ZNF184: variants seen among roughly 807,000 people sequenced by gnomAD.
ZNF184 encodes zinc finger protein 184, also known as zinc finger protein 184 (Kruppel-like).
In ZNF184, 16 loss-of-function variants were observed where a neutral mutation model predicts 54.4. The observed-to-expected ratio is 0.29, with a 90% CI of 0.20 to 0.45. The LOEUF (loss-of-function observed/expected upper bound fraction) is 0.45. Ranked by LOEUF, ZNF184 falls within the 20% of genes least tolerant of loss-of-function variation. The pLI is 1.00. For missense variants in ZNF184, 681 were observed against 888.2 expected (o/e 0.77, Z 2.97); for synonymous variants, 254 against 295.3 (o/e 0.86, Z 1.43).
chr6:27,435,908 C>A, the ZNF184 span, among the ~76,000 whole-genome samples: 4 of 151,942 alleles, frequency 2.6e-5, no homozygotes, highest in East Asian at 7.7e-4. Context: ...TCAGGACCTG[C>A]AAGAGATAAA....
At chr6:27,463,062 A>G (rs1427879664) in intron 3 of ZNF184, among the ~76,000 whole-genome samples, 1 of 68,890 alleles carries the variant, frequency 1.5e-5, no homozygotes. Context: ...GACATTTAAA[A>G]AAAAAAAAAA....
intron 3 of ZNF184, among the ~76,000 whole-genome samples, chr6:27,457,678 GTCA>G (rs1187118645): frequency 1.3e-5 from 2 of 152,016 alleles, no homozygotes; most frequent in East Asian, 1.9e-4. Flanking sequence ...GTCCTTCATC[GTCA>G]TCATTACCAT....
chr6:27,451,419 T>C lies in ZNF184; in HGVS notation c.2140A>G (p.Ile714Val). ...CCTGAATGAATTCTCTGGTGCTGAA[T>C]GAGATATGTGCTCTGGCTAAAAGTC... ...RKTFSQSTYL[I>V]QHQRIHSGEK... Residue 714 changes from isoleucine (I) to valine (V), a missense_variant, in exon 6 of 6, where the codon ATT becomes GTT. By Grantham distance (29) the Ile-to-Val change is conservative (BLOSUM62 3). Transcript: ENST00000683788. The C allele has an allele frequency of 6.2e-7, 1 of 1,610,970 alleles. No individual in the cohort carries two copies. The highest frequency in any genetic ancestry group is 8.5e-7 in the Non-Finnish European group (1 of 1,177,120).
chr6:27,436,075 A>G, the ZNF184 span, among the ~76,000 whole-genome samples: 1 of 152,162 alleles, frequency 6.6e-6, no homozygotes, highest in Non-Finnish European at 1.5e-5. Context: ...GTCTTTCACC[A>G]TTGAGTATGA....
chr6:27,445,296 C>T, the ZNF184 span, among the ~76,000 whole-genome samples: 4 of 152,096 alleles, frequency 2.6e-5, no homozygotes, highest in Admixed American at 6.5e-5. Context: ...CAGCTATTTG[C>T]AATAACATGA....
the ZNF184 span, chr6:27,404,339 A>G: frequency 1.1e-4 from 17 of 152,248 alleles, no homozygotes; most frequent in African/African-American, 3.9e-4. Flanking sequence ...TGTCTTTGAT[A>G]TAAAAAAAAT....
intron 2 of ZNF184, among the ~76,000 whole-genome samples, chr6:27,469,381 G>A (rs1763217485): frequency 6.6e-6 from 1 of 152,204 alleles, no homozygotes; most frequent in Non-Finnish European, 1.5e-5. Flanking sequence ...AGTGGCTCAT[G>A]CCTGTAATCC....
Position 27,459,871 on chromosome 6 carries a change from G to A in ZNF184, c.76-2462C>T, listed in dbSNP as rs534012481. On this transcript the variant is annotated intron_variant, in intron 3 of 5. Coordinates refer to ENST00000683788, the MANE Select transcript of ZNF184 (RefSeq NM_001318891.2). ...TCTATACGTACTCATTAGAAAATAT[G>A]TACACAAGAGGACAGGCATGGTGGC... 1.8e-4 allele frequency among the ~76,000 whole-genome samples: 28 copies of A among 152,286 alleles called. 1 individual carries two copies. In the South Asian group the frequency reaches 3.5e-3, roughly 19 times the overall value.
chr6:27,445,086 A>G, the ZNF184 span, among the ~76,000 whole-genome samples: 2 of 152,206 alleles, frequency 1.3e-5, no homozygotes, highest in African/African-American at 4.8e-5. Flanking sequence ...CTGTGACAAA[A>G]TAATTTTACT....
chr6:27,421,877 A>G, the ZNF184 span, among the ~76,000 whole-genome samples: 1 of 152,034 alleles, frequency 6.6e-6, no homozygotes, highest in Non-Finnish European at 1.5e-5. Flanking sequence ...TGAGACCAGC[A>G]TGGGCAACAC....
chr6:27,407,759 A>G, the ZNF184 span: 9 of 772,690 alleles, frequency 1.2e-5, no homozygotes, highest in Admixed American at 1.2e-4. Context: ...CGGAGATGTC[A>G]CTACAAGATT....
the ZNF184 span, among the ~76,000 whole-genome samples, chr6:27,443,720 C>T: frequency 6.6e-6 from 1 of 152,080 alleles, no homozygotes; most frequent in African/African-American, 2.4e-5. Flanking sequence ...TTTTTTCAGC[C>T]CCAACAAAAC....
chr6:27,464,642 G>A lies in ZNF184; in HGVS notation c.75+3211C>T, dbSNP rs192618329. 2.6e-5 allele frequency among the ~76,000 whole-genome samples: 4 copies of A among 152,252 alleles called. No homozygotes were observed. In the East Asian group the frequency reaches 7.7e-4, roughly 29 times the overall value. ...ATCAAAAGTCACATTATATTTAAATGTAACACATTACATGTAAGATCATAC... is the reference window on the plus strand; with the variant it reads ...ATCAAAAGTCACATTATATTTAAATATAACACATTACATGTAAGATCATAC... On this transcript the variant is annotated intron_variant, in intron 3 of 5. Coordinates refer to ENST00000683788, the MANE Select transcript of ZNF184 (RefSeq NM_001318891.2).
the ZNF184 span, among the ~76,000 whole-genome samples, chr6:27,421,728 G>A: frequency 6.6e-6 from 1 of 152,160 alleles, no homozygotes; most frequent in African/African-American, 2.4e-5. Flanking sequence ...TGGTGATTGC[G>A]TGGTCCCCTT....
Position 27,461,642 on chromosome 6 carries a change from G to A in ZNF184, c.76-4233C>T, listed in dbSNP as rs148388797. ...ATCACACTGAACCTCAGGTAGCAAA[G>A]AAAAGTGATCCCTGAGAATCAGGAA... On this transcript the variant is annotated intron_variant, in intron 3 of 5. Transcript: ENST00000683788. Among the ~76,000 whole-genome samples, 69 of 152,346 alleles carry A rather than the reference G, an allele frequency of 4.5e-4. 1 individual carries two copies. Among genetic ancestry groups the A allele is most frequent in the African/African-American group, 1.6e-3 (65 of 41,588 alleles).
the ZNF184 span, among the ~76,000 whole-genome samples, chr6:27,418,070 C>G: frequency 6.6e-6 from 1 of 152,174 alleles, no homozygotes; most frequent in South Asian, 2.1e-4. Context: ...GCAAACCTCA[C>G]AAAAGACAGT....
chr6:27,424,865 C>G, the ZNF184 span, among the ~76,000 whole-genome samples: 1 of 152,174 alleles, frequency 6.6e-6, no homozygotes, highest in South Asian at 2.1e-4. Context: ...GACTGGGCGC[C>G]GTGGAACAGG....
intron 2 of ZNF184, among the ~76,000 whole-genome samples, 167 bp from the exon 3 acceptor site, chr6:27,468,087 C>G (rs1763187411): frequency 6.6e-6 from 1 of 152,162 alleles, no homozygotes; most frequent in South Asian, 2.1e-4. Flanking sequence ...TGGTACCCTC[C>G]TCAGTAGGCT....
At chr6:27,464,369 G>A (rs2113729848) in intron 3 of ZNF184, among the ~76,000 whole-genome samples, 1 of 152,282 alleles carries the variant, frequency 6.6e-6, no homozygotes, top group East Asian at 1.9e-4. Flanking sequence ...AAAAACTGTG[G>A]TGGGGGGAAT....
Sources: allele counts gnomAD v4.1 joint callset (sites outside exome capture counted in the v4.1 genomes callset), GRCh38; gene constraint gnomAD v4.1.1; transcripts MANE v1.5; gene names NCBI Gene and HGNC (gene_info 2026-07-23, HGNC 2026-07-21).